ERCC3: variants seen among roughly 807,000 people sequenced by gnomAD.
The protein encoded by ERCC3 is general transcription and DNA repair factor IIH helicase/translocase subunit XPB.
Under a neutral mutation model 94.2 loss-of-function variants are expected in ERCC3, and 66 were observed. The ratio of observed to expected loss-of-function variants is 0.70; its 90% CI spans 0.57 to 0.86. The LOEUF (loss-of-function observed/expected upper bound fraction) is 0.86. Among genes scored for constraint, ERCC3 ranks in the 40% least tolerant of loss-of-function variants. The probability of loss-of-function intolerance (pLI) is 0.00; values close to 1 mark genes in which losing one functional copy is unlikely to be tolerated. For missense variants in ERCC3, 829 were observed against 987.1 expected, an observed-to-expected ratio of 0.84 and a Z score of 2.15; for synonymous variants, 349 against 369.1, an observed-to-expected ratio of 0.95 and a Z score of 0.63.
chr2:127,263,469 A>C (rs956530709), intron 12 of ERCC3, among the ~76,000 whole-genome samples: 1 of 152,162 alleles, frequency 6.6e-6, no homozygotes, highest in South Asian at 2.1e-4. Flanking sequence ...TTGTACATTG[A>C]TTTTGAATTC....
rs1684281083 is a variant in ERCC3 at position 127,264,107 on chromosome 2, A to G, written c.1946-2761T>C. On this transcript the variant is annotated intron_variant, in intron 12 of 14. Transcript: ENST00000285398. This position sits in a 1 kb window ranked among gnomAD's most constrained non-coding sequence, Gnocchi z 4.4. The stretch of plus-strand genomic sequence containing the variant: ...CATAGATGGCTTTTATTATTGTGAG[A>G]TATGTTCCTTCGATGCCATTTGTTG... Among the ~76,000 whole-genome samples, 1 of 152,104 alleles carries G rather than the reference A, an allele frequency of 6.6e-6. No individual in the cohort carries two copies. Among genetic ancestry groups the G allele is most frequent in the Non-Finnish European group, 1.5e-5 (1 of 68,020 alleles).
At position 127,258,812 on chromosome 2, in the gene ERCC3, T is replaced by C. The variant is rs1026604640; in HGVS notation, c.2217+484A>G. Among the ~76,000 whole-genome samples, 2 of 152,208 alleles carry C rather than the reference T, an allele frequency of 1.3e-5. No individual in the cohort carries two copies. Among genetic ancestry groups the C allele is most frequent in the African/African-American group, 4.8e-5 (2 of 41,452 alleles). On this transcript the variant is annotated intron_variant, in intron 14 of 14. Coordinates refer to ENST00000285398, the MANE Select transcript of ERCC3 (RefSeq NM_000122.2). This position sits in a 1 kb window ranked among gnomAD's most constrained non-coding sequence, Gnocchi z 4.1. ...GTATTTTCACAGAACTCTACATTTT[T>C]CAAAGTTAAGTATCGAAGCTACCAC...
chr2:127,270,328 C>T (rs1045974961), intron 12 of ERCC3, among the ~76,000 whole-genome samples: 1 of 152,096 alleles, frequency 6.6e-6, no homozygotes, highest in Non-Finnish European at 1.5e-5. Context: ...CCCAGCCAGC[C>T]GACTACATTT....
intron 10 of ERCC3, among the ~76,000 whole-genome samples, chr2:127,273,771 A>AG (rs1319506918): frequency 2.7e-5 from 4 of 150,474 alleles, no homozygotes; most frequent in Non-Finnish European, 4.4e-5. Context: ...AAAAAAAAAA[A>AG]AAAAATTTTC....
At chr2:127,269,037 C>T (rs895776849) in intron 12 of ERCC3, among the ~76,000 whole-genome samples, 5 of 152,196 alleles carry the variant, frequency 3.3e-5, no homozygotes, top group East Asian at 1.9e-4. Context: ...ATGAATATGC[C>T]GCACAAAGCA....
rs1421395477 is a variant in ERCC3, at chr2:127,284,648, C to G, written c.1342+2055G>C. Among the ~76,000 whole-genome samples the G allele has an allele frequency of 2.6e-5, 4 of 152,072 alleles. No individual in the cohort carries two copies. The highest frequency in any genetic ancestry group is 2.6e-4 in the Admixed American group (4 of 15,264). ...GATTTCATTTTGTTCATAGTAACCT[C>G]TATTAGACTCCTTAATTTACCCTAA... On this transcript the variant is annotated intron_variant, in intron 8 of 14. Transcript: ENST00000285398. The surrounding 1 kb of genome is among the most constrained non-coding windows in gnomAD (Gnocchi z 4.1).
chr2:127,277,565 C>A lies in ERCC3; in HGVS notation c.1730+1608G>T, dbSNP rs1434966896. On this transcript the variant is annotated intron_variant, in intron 10 of 14. Transcript: ENST00000285398. The surrounding 1 kb of genome is among the most constrained non-coding windows in gnomAD (Gnocchi z 5.1). ...ATTATCCAGGCTGTGGTGGCGGGTG[C>A]CTGTAGTCCCAGCTACTCAGGAGGC... 2.0e-5 allele frequency among the ~76,000 whole-genome samples: 3 copies of A among 152,062 alleles called. No homozygotes were observed. Among genetic ancestry groups the A allele is most frequent in the African/African-American group, 7.2e-5 (3 of 41,392 alleles).
At chr2:127,287,744 G>C (rs972748673) in intron 7 of ERCC3, among the ~76,000 whole-genome samples, 4 of 152,188 alleles carry the variant, frequency 2.6e-5, no homozygotes, top group Non-Finnish European at 5.9e-5. Context: ...CACAGAAGGA[G>C]GCACTCGGCA....
chr2:127,265,151 AT>A (rs1405162659), intron 12 of ERCC3, among the ~76,000 whole-genome samples: 12 of 149,280 alleles, frequency 8.0e-5, no homozygotes, highest in Non-Finnish European at 1.0e-4. Context: ...CTGGGGCCAT[AT>A]TTTTTTTTTA....
In ERCC3 at chr2:127,261,425, CAA is replaced by C. The variant is rs1684187606; in HGVS notation, c.1946-81_1946-80del. On this transcript the variant is annotated intron_variant, in intron 12 of 14. Coordinates refer to ENST00000285398, the MANE Select transcript of ERCC3 (RefSeq NM_000122.2). ...TGCCAAGAGCTAAGGGTCCCAGGCTCAAAAGCAAGCACTGGAGTGGAAAAGCC... is the reference window on the plus strand; with the variant it reads ...TGCCAAGAGCTAAGGGTCCCAGGCTCAAGCAAGCACTGGAGTGGAAAAGCC... 4 of 912,810 alleles carry C rather than the reference CAA, an allele frequency of 4.4e-6. No homozygotes were observed. In the Admixed American group the frequency reaches 6.8e-5, roughly 15 times the overall value. 56.5% of individuals were successfully genotyped at this position (912,810 alleles called of 1,614,324 possible).
Position 127,284,294 on chromosome 2 carries a change from G to C in ERCC3, c.1342+2409C>G, listed in dbSNP as rs867328574. The C allele has an allele frequency of 1.3e-5, 2 of 152,292 alleles. No homozygotes were observed. The highest frequency in any genetic ancestry group is 2.9e-5 in the Non-Finnish European group (2 of 68,120). 9.4% of individuals were successfully genotyped at this position (152,292 alleles called of 1,614,324 possible). On this transcript the variant is annotated intron_variant, in intron 8 of 14. Transcript: ENST00000285398. The surrounding 1 kb of genome is among the most constrained non-coding windows in gnomAD (Gnocchi z 4.1). ...AATCCCTCAGATGGCTTCACACTAA[G>C]AGTACAAGCCAAAGTTCTTGTCGTG...
Position 127,257,440 on chromosome 2 carries a change from T to C in ERCC3, c.*156A>G. 1 of 924,838 alleles carries C rather than the reference T, an allele frequency of 1.1e-6. No individual in the cohort carries two copies. Among genetic ancestry groups the C allele is most frequent in the East Asian group, 2.4e-5 (1 of 41,448 alleles). 57.3% of individuals were successfully genotyped at this position (924,838 alleles called of 1,614,324 possible). ...CCTTTATAAAACCCTAGATGACCTA[T>C]GAAGGCACAGCCAAGCCCTTGATGC... On this transcript the variant is annotated 3_prime_UTR_variant, in exon 15 of 15. Transcript: ENST00000285398. The surrounding 1 kb of genome is among the most constrained non-coding windows in gnomAD (Gnocchi z 5.4).
chr2:127,257,448 C>G lies in ERCC3; in HGVS notation c.*148G>C. ...AAACCCTAGATGACCTATGAAGGCA[C>G]AGCCAAGCCCTTGATGCATCTTCCT... On this transcript the variant is annotated 3_prime_UTR_variant, in exon 15 of 15. Transcript: ENST00000285398. The surrounding 1 kb of genome is among the most constrained non-coding windows in gnomAD (Gnocchi z 5.4). 2 of 1,005,342 alleles carry G rather than the reference C, an allele frequency of 2.0e-6. No homozygotes were observed. The highest frequency in any genetic ancestry group is 1.3e-5 in the South Asian group (1 of 77,818). 62.3% of individuals were successfully genotyped at this position (1,005,342 alleles called of 1,614,324 possible).
rs1410032835 is a variant in ERCC3 at position 127,257,544 on chromosome 2, T to G, written c.*52A>C. The G allele has an allele frequency of 4.3e-6, 7 of 1,610,886 alleles. No individual in the cohort carries two copies. The African/African-American group carries it at 8.0e-5, about 18-fold the overall frequency. On this transcript the variant is annotated 3_prime_UTR_variant, in exon 15 of 15. Transcript: ENST00000285398. This position sits in a 1 kb window ranked among gnomAD's most constrained non-coding sequence, Gnocchi z 5.4. ...GGAAAATGTTATGCTGAAAATCCCT[T>G]TCCAACAAGGGTGCCAAGCGCCGGT...
In ERCC3 at chr2:127,280,779, C is replaced by CG. The variant is rs936150082; in HGVS notation, c.1343-149dup. On this transcript the variant is annotated intron_variant, in intron 8 of 14. Transcript: ENST00000285398. The surrounding 1 kb of genome is among the most constrained non-coding windows in gnomAD (Gnocchi z 6.3). ...TGGCCTCAAGCAATCCCCCTGCCTTCGCCTCCCAAAGTGCTGGGATTACAG... is the reference window on the plus strand; with the variant it reads ...TGGCCTCAAGCAATCCCCCTGCCTTCGGCCTCCCAAAGTGCTGGGATTACAG... 1 of 734,202 alleles carries CG rather than the reference C, an allele frequency of 1.4e-6. No homozygotes were observed. Among genetic ancestry groups the CG allele is most frequent in the African/African-American group, 1.8e-5 (1 of 56,576 alleles). The allele number at this position is 734,202 out of a possible 1,614,324, so 45.5% of individuals were successfully genotyped here.
chr2:127,262,892 C>T (rs2104734571), intron 12 of ERCC3: 1 of 152,278 alleles, frequency 6.6e-6, no homozygotes, highest in East Asian at 1.9e-4. Flanking sequence ...GCCAGTTTCC[C>T]CAGCACCATT....
intron 2 of ERCC3, 67 bp from the exon 3 acceptor site, chr2:127,292,913 C>T (rs1006348827): frequency 5.0e-6 from 5 of 991,784 alleles, no homozygotes; most frequent in East Asian, 4.7e-5. Context: ...GGGCTCTTGC[C>T]CATATCATTA....
At chr2:127,267,949 T>C (rs1381039668) in intron 12 of ERCC3, among the ~76,000 whole-genome samples, 2 of 152,244 alleles carry the variant, frequency 1.3e-5, no homozygotes, top group East Asian at 3.9e-4. Flanking sequence ...CTATGGTTTT[T>C]TGGTTTTTGT....
chr2:127,280,307 G>A lies in ERCC3; in HGVS notation c.1527+140C>T. On this transcript the variant is annotated intron_variant, in intron 9 of 14. Coordinates refer to ENST00000285398, the MANE Select transcript of ERCC3 (RefSeq NM_000122.2). The surrounding 1 kb of genome is among the most constrained non-coding windows in gnomAD (Gnocchi z 6.3). The stretch of plus-strand genomic sequence containing the variant: ...GGGTCTAGTACCACCCAACCACAGG[G>A]TGACTGAGGATCCTGTATGAAGTGG... The A allele has an allele frequency of 1.3e-6, 1 of 783,386 alleles. No individual in the cohort carries two copies. The highest frequency in any genetic ancestry group is 2.2e-6 in the Non-Finnish European group (1 of 450,960). The allele number at this position is 783,386 out of a possible 1,614,324, so 48.5% of individuals were successfully genotyped here.
Sources: allele counts gnomAD v4.1 joint callset (sites outside exome capture counted in the v4.1 genomes callset), GRCh38; gene constraint gnomAD v4.1.1; non-coding constraint Gnocchi (gnomAD v3.1); transcripts MANE v1.5; gene names NCBI Gene and HGNC (gene_info 2026-07-23, HGNC 2026-07-21).